Variants in SLC30A8 observed in about 807,000 individuals in gnomAD.
SLC30A8 encodes solute carrier family 30 member 8, also known as proton-coupled zinc antiporter SLC30A8.
SLC30A8 carries 27 observed loss-of-function variants against 36.9 expected under a neutral mutation model. The ratio of observed to expected loss-of-function variants is 0.73; its 90% CI spans 0.54 to 1.01. SLC30A8 has a LOEUF of 1.01. SLC30A8 is among the 50% of genes least tolerant of loss of function. The pLI is 0.00. For missense variants in SLC30A8, 439 were observed against 452.0 expected (o/e 0.97, Z 0.26); for synonymous variants, 164 against 172.4 (o/e 0.95, Z 0.38).
chr8:117,128,823 AG>A (rs924253805), intron 2 of SLC30A8, among the ~76,000 whole-genome samples: 7 of 152,028 alleles, frequency 4.6e-5, no homozygotes, highest in African/African-American at 1.7e-4. Flanking sequence ...GAGCTTTCTG[AG>A]GTTTCACAGT....
chr8:117,021,405 T>C (rs1410447203), intron 1 of SLC30A8, among the ~76,000 whole-genome samples: 2 of 152,230 alleles, frequency 1.3e-5, no homozygotes, highest in East Asian at 3.8e-4. Context: ...AATGTCCTTC[T>C]AGAGGATCTG....
chr8:117,154,070 G>A (rs1456914237), intron 3 of SLC30A8, among the ~76,000 whole-genome samples: 3 of 152,100 alleles, frequency 2.0e-5, no homozygotes, highest in African/African-American at 7.2e-5. Flanking sequence ...ACATTTGACT[G>A]TATGCTTTTT....
intron 1 of SLC30A8, among the ~76,000 whole-genome samples, chr8:117,001,204 C>CTTTTTTTT (rs34639384): frequency 1.3e-5 from 1 of 78,314 alleles, no homozygotes. Flanking sequence ...TTGCTAGGGG[C>CTTTTTTTT]TTTTTTTTTT....
intron 2 of SLC30A8, among the ~76,000 whole-genome samples, chr8:117,040,375 A>C (rs571092680): frequency 6.6e-6 from 1 of 152,344 alleles, no homozygotes; most frequent in East Asian, 1.9e-4. Flanking sequence ...ATGCAAAACT[A>C]TGCTCTGTCT....
chr8:117,051,763 A>G (rs1817716918), intron 2 of SLC30A8, among the ~76,000 whole-genome samples: 1 of 152,058 alleles, frequency 6.6e-6, no homozygotes, highest in South Asian at 2.1e-4. Flanking sequence ...CAGTGAGCCT[A>G]GATCGTGCCA....
At chr8:117,044,462 C>T (rs1352401980) in intron 2 of SLC30A8, among the ~76,000 whole-genome samples, 3 of 152,120 alleles carry the variant, frequency 2.0e-5, no homozygotes, top group Non-Finnish European at 4.4e-5. Context: ...CCAGAGGACG[C>T]GTCCCAGCAG....
At chr8:117,156,785 G>T (rs936168653) in intron 3 of SLC30A8, among the ~76,000 whole-genome samples, 1 of 152,186 alleles carries the variant, frequency 6.6e-6, no homozygotes, top group Non-Finnish European at 1.5e-5. Flanking sequence ...TTTGGAAAAC[G>T]TTATGAAGGT....
intron 1 of SLC30A8, among the ~76,000 whole-genome samples, chr8:117,023,238 T>A (rs1310044298): frequency 6.6e-6 from 1 of 152,138 alleles, no homozygotes; most frequent in East Asian, 1.9e-4. Context: ...CTGGAGAGGA[T>A]GTGGAGAAAG....
At chr8:117,076,541 G>C (rs528289058) in intron 2 of SLC30A8, among the ~76,000 whole-genome samples, 2 of 151,950 alleles carry the variant, frequency 1.3e-5, no homozygotes, top group South Asian at 4.2e-4. Flanking sequence ...TAAAGAAAGA[G>C]GGAGAAAAAA....
intron 1 of SLC30A8, among the ~76,000 whole-genome samples, chr8:117,143,707 A>ACACACTC (rs1821771077): frequency 4.2e-5 from 4 of 95,524 alleles, no homozygotes; most frequent in Non-Finnish European, 7.5e-5. Context: ...CTCACACATG[A>ACACACTC]ACACATCGTA....
intron 2 of SLC30A8, among the ~76,000 whole-genome samples, chr8:117,063,830 C>T (rs1818088913): frequency 6.6e-6 from 1 of 152,068 alleles, no homozygotes; most frequent in South Asian, 2.1e-4. Flanking sequence ...TGATTTTTCT[C>T]TTCTAGGTAG....
At chr8:117,164,945 A>T (rs1264655783) in intron 6 of SLC30A8, among the ~76,000 whole-genome samples, 3 of 152,180 alleles carry the variant, frequency 2.0e-5, no homozygotes, top group Admixed American at 1.3e-4. Context: ...CCTTATGCCT[A>T]AAGCTTACTG....
At chr8:117,014,097 C>T (rs1816431417) in intron 1 of SLC30A8, among the ~76,000 whole-genome samples, 1 of 152,072 alleles carries the variant, frequency 6.6e-6, no homozygotes, top group African/African-American at 2.4e-5. Context: ...TTTGCCACTG[C>T]GTTTAATGGC....
chr8:117,135,725 A>G (rs114332387), intron 1 of SLC30A8, among the ~76,000 whole-genome samples: 1 of 151,844 alleles, frequency 6.6e-6, no homozygotes, highest in African/African-American at 2.4e-5. Context: ...ATAGATAGTA[A>G]ATTTTATTAT....
At chr8:117,131,996 C>A (rs1220512048), upstream of SLC30A8, among the ~76,000 whole-genome samples, 1 of 151,992 alleles carries the variant, frequency 6.6e-6, no homozygotes, top group African/African-American at 2.4e-5. Context: ...TATTAAACCA[C>A]TTCACCACAC....
intron 2 of SLC30A8, among the ~76,000 whole-genome samples, chr8:117,149,055 G>A (rs953356468): frequency 4.0e-5 from 6 of 151,874 alleles, no homozygotes; most frequent in South Asian, 2.1e-4. Flanking sequence ...TGTGTGTTTC[G>A]TGTTTTTATC....
At chr8:117,170,392 A>G (rs1450957335) in intron 6 of SLC30A8, among the ~76,000 whole-genome samples, 1 of 152,192 alleles carries the variant, frequency 6.6e-6, no homozygotes, top group Non-Finnish European at 1.5e-5. Context: ...CATCTCTTCT[A>G]CAGCATCCTC....
At chr8:117,069,636 T>C (rs1304177296) in intron 2 of SLC30A8, among the ~76,000 whole-genome samples, 1 of 152,194 alleles carries the variant, frequency 6.6e-6, no homozygotes, top group African/African-American at 2.4e-5. Context: ...TTAAATACAT[T>C]TTATTATCTT....
intron 1 of SLC30A8, among the ~76,000 whole-genome samples, chr8:117,008,278 G>A (rs1007714459): frequency 5.9e-4 from 90 of 152,306 alleles, no homozygotes; most frequent in African/African-American, 2.1e-3. Context: ...GTTGACTCCA[G>A]AAGTATTTCT....
Sources: gnomAD v4.1 joint callset for allele counts (sites outside exome capture counted in the v4.1 genomes callset) on GRCh38, gnomAD v4.1.1 for gene constraint, MANE v1.5 for transcripts, NCBI Gene and HGNC (gene_info 2026-07-23, HGNC 2026-07-21) for gene names.